The following ZFAND3 variants were observed in gnomAD, a reference collection of about 807,000 sequenced individuals.
ZFAND3 encodes the protein AN1-type zinc finger protein 3.
ZFAND3 carries 10 observed loss-of-function variants against 29.6 expected under a neutral mutation model. The ratio of observed to expected loss-of-function variants is 0.34; its 90% CI spans 0.21 to 0.57. ZFAND3 has a LOEUF of 0.57. Ranked by LOEUF, ZFAND3 falls within the 20% of genes least tolerant of loss-of-function variation. The pLI, the probability that ZFAND3 is intolerant of heterozygous loss-of-function variation, is 0.86. For missense variants in ZFAND3, 230 were observed against 304.5 expected (o/e 0.76, Z 1.82); for synonymous variants, 128 against 112.6 (o/e 1.14, Z -0.87).
intron 1 of ZFAND3, among the ~76,000 whole-genome samples, chr6:37,875,225 C>T (rs1028689685): frequency 6.6e-6 from 1 of 152,000 alleles, no homozygotes; most frequent in Non-Finnish European, 1.5e-5. Context: ...CCCTGGCCCC[C>T]CAATTGGAGA....
At chr6:38,148,930 T>C (rs1325034597) in intron 5 of ZFAND3, among the ~76,000 whole-genome samples, 1 of 152,236 alleles carries the variant, frequency 6.6e-6, no homozygotes, top group African/African-American at 2.4e-5. Context: ...TCAGTGCAGC[T>C]ACTTGGGAAG....
At chr6:37,912,030 CTGTGTGTGTGTGTGTGTGTG>C (rs59017250) in intron 1 of ZFAND3, among the ~76,000 whole-genome samples, 1 of 139,704 alleles carries the variant, frequency 7.2e-6, no homozygotes, top group Non-Finnish European at 1.5e-5. Flanking sequence ...AGTCTTTTAT[CTGTGTGTGTGTGTGTGTGTG>C]TGTGTGTGTG....
At chr6:38,040,973 CT>C (rs537997723) in intron 2 of ZFAND3, among the ~76,000 whole-genome samples, 2 of 152,220 alleles carry the variant, frequency 1.3e-5, no homozygotes, top group Non-Finnish European at 2.9e-5. Flanking sequence ...GCCCCTCCCC[CT>C]GCCATCAAGT....
chr6:37,977,596 T>C (rs575920156), intron 2 of ZFAND3, among the ~76,000 whole-genome samples: 1 of 152,076 alleles, frequency 6.6e-6, no homozygotes, highest in South Asian at 2.1e-4. Flanking sequence ...CATGAGCCAC[T>C]GCACCCAGCC....
At chr6:37,847,405 C>T (rs919482894) in intron 1 of ZFAND3, among the ~76,000 whole-genome samples, 16 of 152,020 alleles carry the variant, frequency 1.1e-4, no homozygotes, top group Admixed American at 1.0e-3. Flanking sequence ...GAAACCCTGT[C>T]TCTACTAAAA....
At chr6:37,867,414 C>T (rs562762014) in intron 1 of ZFAND3, among the ~76,000 whole-genome samples, 4 of 152,240 alleles carry the variant, frequency 2.6e-5, no homozygotes, top group East Asian at 3.9e-4. Context: ...TGACAGGTAG[C>T]GAATTAGAAA....
intron 5 of ZFAND3, among the ~76,000 whole-genome samples, chr6:38,137,551 G>C (rs534422103): frequency 2.6e-4 from 39 of 152,340 alleles, no homozygotes; most frequent in African/African-American, 9.4e-4. Context: ...ACTGACAAAA[G>C]TCCCTGACCT....
chr6:38,144,218 A>ATATATAATATATATATATATAATAT (rs1554183997), intron 5 of ZFAND3, among the ~76,000 whole-genome samples: 1 of 31,448 alleles, frequency 3.2e-5, no homozygotes, highest in African/African-American at 1.9e-4. Context: ...TATAATATAT[A>ATATATAATATATATATATATAATAT]ATATATATAT....
chr6:37,901,554 G>T (rs1765318554), intron 1 of ZFAND3, among the ~76,000 whole-genome samples: 1 of 152,012 alleles, frequency 6.6e-6, no homozygotes, highest in Admixed American at 6.5e-5. Flanking sequence ...GGAGATTGAG[G>T]CTGCAGTGAG....
chr6:37,878,068 A>G (rs1427409545), intron 1 of ZFAND3, among the ~76,000 whole-genome samples: 1 of 152,218 alleles, frequency 6.6e-6, no homozygotes, highest in Non-Finnish European at 1.5e-5. Context: ...AAGTAGGCAG[A>G]TTGGAAACAA....
rs1766037275 is a variant in ZFAND3 at position 38,144,200 on chromosome 6, TATATATATATAATATATAA to T, written c.530-8034_530-8016del. 9.7e-5 allele frequency among the ~76,000 whole-genome samples: 4 copies of T among 41,214 alleles called. No individual in the cohort carries two copies. In the East Asian group the frequency reaches 1.3e-3, roughly 13 times the overall value. 27.0% of individuals were successfully genotyped at this position (41,214 alleles called of 152,430 possible). ...TATATATATAATATATATATATATA[TATATATATATAATATATAA>T]TATATATATATATTTTTTTTTTAAT... On this transcript the variant is annotated intron_variant, in intron 5 of 5. Transcript: ENST00000287218.
At chr6:37,928,486 G>T (rs1424926901) in intron 1 of ZFAND3, among the ~76,000 whole-genome samples, 1 of 151,996 alleles carries the variant, frequency 6.6e-6, no homozygotes, top group Non-Finnish European at 1.5e-5. Context: ...GGGAAGCAGC[G>T]GTGAGATGAA....
intron 1 of ZFAND3, among the ~76,000 whole-genome samples, chr6:37,879,251 G>A (rs1332921782): frequency 6.6e-6 from 1 of 152,200 alleles, no homozygotes; most frequent in Non-Finnish European, 1.5e-5. Context: ...GTGATGGGAT[G>A]CTTAATATCA....
chr6:38,089,407 C>T (rs574082808), intron 4 of ZFAND3, among the ~76,000 whole-genome samples: 1 of 152,268 alleles, frequency 6.6e-6, no homozygotes, highest in South Asian at 2.1e-4. Flanking sequence ...GGATGACAGG[C>T]ATGAGCCACC....
intron 4 of ZFAND3, among the ~76,000 whole-genome samples, chr6:38,107,466 G>A (rs1765231700): frequency 6.6e-6 from 1 of 152,168 alleles, no homozygotes; most frequent in Non-Finnish European, 1.5e-5. Flanking sequence ...ATGCCATGTG[G>A]GCTTGTCAGG....
In ZFAND3 at chr6:38,041,641, T is replaced by TTCTTCTTCTTCTTCC. The variant is rs1561976629; in HGVS notation, c.113-19938_113-19937insCTCTTCTTCTTCTTC. Among the ~76,000 whole-genome samples the TTCTTCTTCTTCTTCC allele has an allele frequency of 3.0e-3, 44 of 14,584 alleles. 1 individual carries two copies. The highest frequency in any genetic ancestry group is 0.021 in the South Asian group (3 of 140). The allele number at this position is 14,584 out of a possible 152,430, so 9.6% of individuals were successfully genotyped here. On this transcript the variant is annotated intron_variant, in intron 2 of 5. Transcript: ENST00000287218. ...TTTTTTTATCTACTTTTTCTTCTTC[T>TTCTTCTTCTTCTTCC]TCTTCTTCTTCTTCTTCTTCTTCTT...
At chr6:38,114,291 G>A (rs780203534) in intron 4 of ZFAND3, among the ~76,000 whole-genome samples, 6 of 152,254 alleles carry the variant, frequency 3.9e-5, no homozygotes, top group Non-Finnish European at 5.9e-5. Flanking sequence ...AGAGAGCAGT[G>A]TGGCTCATAC....
intron 1 of ZFAND3, among the ~76,000 whole-genome samples, chr6:37,821,683 G>T (rs978446332): frequency 1.3e-5 from 2 of 152,198 alleles, no homozygotes; most frequent in African/African-American, 4.8e-5. Context: ...AAAGAAAGTC[G>T]CTGCCAGTGG....
intron 2 of ZFAND3, among the ~76,000 whole-genome samples, chr6:37,983,144 G>C (rs1762607947): frequency 6.6e-6 from 1 of 151,998 alleles, no homozygotes; most frequent in African/African-American, 2.4e-5. Flanking sequence ...TAATATAAAA[G>C]TTACAGTGAG....
Sources: allele counts gnomAD v4.1 joint callset (sites outside exome capture counted in the v4.1 genomes callset), GRCh38; gene constraint gnomAD v4.1.1; transcripts MANE v1.5; gene names NCBI Gene and HGNC (gene_info 2026-07-23, HGNC 2026-07-21).